KCNQ2: variants seen among roughly 807,000 people sequenced by gnomAD.
KCNQ2 encodes potassium voltage-gated channel subfamily KQT member 2.
A neutral mutation model predicts 84.8 loss-of-function variants in KCNQ2; 14 were observed. The ratio of observed to expected loss-of-function variants is 0.17; its 90% CI spans 0.11 to 0.26. The LOEUF is 0.26. KCNQ2 is among the 10% of genes least tolerant of loss of function. The pLI is 1.00. For missense variants in KCNQ2, 788 were observed against 1,254.0 expected (o/e 0.63, Z 5.61); for synonymous variants, 599 against 554.1 (o/e 1.08, Z -1.14).
chr20:63,439,787 G>C, intron 5 of KCNQ2, 79 bp from the exon 6 acceptor site: 1 of 1,096,096 alleles, frequency 9.1e-7, no homozygotes, highest in Non-Finnish European at 1.4e-6. Flanking sequence ...CTGGCGACTC[G>C]GGGCTTGGGA....
At position 63,443,117 on chromosome 20, in the gene KCNQ2, C is replaced by T. The variant is rs1434952543; in HGVS notation, c.691-586G>A. Among the ~76,000 whole-genome samples, 34 of 68,138 alleles carry T rather than the reference C, an allele frequency of 5.0e-4. 1 individual carries two copies. Among genetic ancestry groups the T allele is most frequent in the Admixed American group, 1.2e-3 (9 of 7,530 alleles). The allele number at this position is 68,138 out of a possible 152,430, so 44.7% of individuals were successfully genotyped here. A position where few individuals can be genotyped will look rare whatever the true frequency, so the allele number is the denominator to read the frequency against. ...ACCACCATCACCATCACCACCACCACTATCACCACCACCACCATCATCACC... is the reference window on the plus strand; with the variant it reads ...ACCACCATCACCATCACCACCACCATTATCACCACCACCACCATCATCACC... On this transcript the variant is annotated intron_variant, in intron 4 of 16. Transcript: ENST00000359125.
At chr20:63,464,632 T>C (rs943868119) in intron 1 of KCNQ2, among the ~76,000 whole-genome samples, 8 of 151,954 alleles carry the variant, frequency 5.3e-5, no homozygotes, top group Non-Finnish European at 1.0e-4. Flanking sequence ...ACCTGCACAC[T>C]AGCTCCCCGA....
intron 1 of KCNQ2, among the ~76,000 whole-genome samples, chr20:63,470,498 G>A (rs974652965): frequency 6.6e-6 from 1 of 152,268 alleles, no homozygotes; most frequent in African/African-American, 2.4e-5. Context: ...AGGAGAGACA[G>A]AGGGGCTGAC....
chr20:63,428,030 C>G (rs1056562237), intron 10 of KCNQ2, among the ~76,000 whole-genome samples: 1 of 152,214 alleles, frequency 6.6e-6, no homozygotes, highest in Non-Finnish European at 1.5e-5. Flanking sequence ...TGAGTTACCA[C>G]CAGGCACTCG....
At chr20:63,428,267 G>T in intron 10 of KCNQ2, 100 bp downstream of exon 10, 1 of 871,876 alleles carries the variant, frequency 1.1e-6, no homozygotes, top group South Asian at 1.4e-5. Flanking sequence ...CAGCTCCCTG[G>T]AGTCCCTGGG....
In KCNQ2 at chr20:63,446,347, G is replaced by A. The variant is rs935121110; in HGVS notation, c.387+400C>T. On this transcript the variant is annotated intron_variant, in intron 2 of 16. Transcript: ENST00000359125. This position sits in a 1 kb window ranked among gnomAD's most constrained non-coding sequence, Gnocchi z 5.5. Reference sequence around the variant, plus strand: ...CTCCCGTTGCCATGGCGCCCACCCTGCCCTGGCACAGGGTTGCTGCAAGCG... The same window carrying A: ...CTCCCGTTGCCATGGCGCCCACCCTACCCTGGCACAGGGTTGCTGCAAGCG... 1 of 296,356 alleles carries A rather than the reference G, an allele frequency of 3.4e-6. No individual in the cohort carries two copies. Among genetic ancestry groups the A allele is most frequent in the Non-Finnish European group, 6.5e-6 (1 of 153,510 alleles). 18.4% of individuals were successfully genotyped at this position (296,356 alleles called of 1,614,324 possible). A position where few individuals can be genotyped will look rare whatever the true frequency, so the allele number is the denominator to read the frequency against.
Position 63,400,914 on chromosome 20 carries a change from T to TA in KCNQ2, c.*5729_*5730insT, listed in dbSNP as rs1370344964. 7.5e-6 allele frequency: 3 copies of TA among 398,124 alleles called. No individual in the cohort carries two copies. The highest frequency in any genetic ancestry group is 1.3e-5 in the Non-Finnish European group (3 of 225,774). The allele number at this position is 398,124 out of a possible 1,614,324, so 24.7% of individuals were successfully genotyped here. Reference sequence around the variant, plus strand: ...CCGTACCTGGCACAGCCAGGGGGCATGGGGCGACCTCAGGGAGTTCCTGTC... The same window carrying TA: ...CCGTACCTGGCACAGCCAGGGGGCATAGGGGCGACCTCAGGGAGTTCCTGTC... On this transcript the variant is annotated 3_prime_UTR_variant, in exon 17 of 17. Coordinates refer to ENST00000359125, the MANE Select transcript of KCNQ2 (RefSeq NM_172107.4). The surrounding 1 kb of genome is among the most constrained non-coding windows in gnomAD (Gnocchi z 8.7).
intron 8 of KCNQ2, among the ~76,000 whole-genome samples, chr20:63,431,956 C>G (rs1425319883): frequency 1.3e-5 from 2 of 149,292 alleles, no homozygotes; most frequent in Admixed American, 1.3e-4. Flanking sequence ...AGGGTAGGAT[C>G]CACCCACAGG....
At chr20:63,417,341 C>G (rs1198919293) in intron 12 of KCNQ2, among the ~76,000 whole-genome samples, 1 of 152,246 alleles carries the variant, frequency 6.6e-6, no homozygotes, top group Non-Finnish European at 1.5e-5. Flanking sequence ...CCCCTCCTGA[C>G]CCCGCTCAGG....
chr20:63,463,452 G>C (rs182932215), intron 1 of KCNQ2, among the ~76,000 whole-genome samples: 2 of 152,030 alleles, frequency 1.3e-5, no homozygotes, highest in Non-Finnish European at 2.9e-5. Flanking sequence ...CCAGGGCTCA[G>C]CCTCCATGAC....
intron 15 of KCNQ2, among the ~76,000 whole-genome samples, chr20:63,412,857 C>G (rs1490319023): frequency 4.6e-5 from 7 of 152,214 alleles, no homozygotes; most frequent in Non-Finnish European, 1.0e-4. Context: ...AACACCCACT[C>G]GTGTGTATAT....
At position 63,408,895 on chromosome 20, in the gene KCNQ2, A is replaced by T. The variant is rs2145500476; in HGVS notation, c.1764-359T>A. Among the ~76,000 whole-genome samples the T allele has an allele frequency of 6.6e-6, 1 of 152,300 alleles. No homozygotes were observed. The highest frequency in any genetic ancestry group is 1.5e-5 in the Non-Finnish European group (1 of 68,016). ...ACCTGCTCACCCTCTTCCCTGCCCA[A>T]GGCCTATTGGCCCCACAGCCCACGG... On this transcript the variant is annotated intron_variant, in intron 15 of 16. Transcript: ENST00000359125. This position sits in a 1 kb window ranked among gnomAD's most constrained non-coding sequence, Gnocchi z 5.0.
intron 1 of KCNQ2, chr20:63,448,992 G>A (rs918574765): frequency 6.6e-5 from 10 of 152,228 alleles, no homozygotes; most frequent in Admixed American, 3.3e-4. Context: ...GGCCAACCAC[G>A]GCCAGCGAGT....
Position 63,414,859 on chromosome 20 carries a change from A to T in KCNQ2, c.1525+44T>A. On this transcript the variant is annotated intron_variant, in intron 13 of 16. Coordinates refer to ENST00000359125, the MANE Select transcript of KCNQ2 (RefSeq NM_172107.4). The surrounding 1 kb of genome is among the most constrained non-coding windows in gnomAD (Gnocchi z 6.6). ...CCACAGTAGCGTGGCCACCACATCC[A>T]TCCCCGGAGAGGATGGACCAGGAGA... 4.4e-6 allele frequency: 7 copies of T among 1,593,988 alleles called. No individual in the cohort carries two copies. The highest frequency in any genetic ancestry group is 6.0e-6 in the Non-Finnish European group (7 of 1,164,602).
Position 63,407,207 on chromosome 20 carries a change from T to C in KCNQ2, c.2056A>G (p.Ile686Val), listed in dbSNP as rs558926802. 15 of 1,605,732 alleles carry C rather than the reference T, an allele frequency of 9.3e-6. 1 individual carries two copies. The African/African-American group carries it at 1.6e-4, about 17-fold the overall frequency. ...CTGCTGGAGCGCACGATCTTGACAATGCAGCCGTGCCTGTCGACATGCTCC... is the reference window on the plus strand; with the variant it reads ...CTGCTGGAGCGCACGATCTTGACAACGCAGCCGTGCCTGTCGACATGCTCC... The part of the protein sequence containing the change: ...SREHVDRHGC[I>V]VKIVRSSSST... The change falls in exon 17 of 17, where the codon ATT (isoleucine) becomes GTT (valine). Residue 686 changes from isoleucine (I) to valine (V), a missense_variant. Transcript: ENST00000359125. The surrounding 1 kb of genome is among the most constrained non-coding windows in gnomAD (Gnocchi z 7.2).
chr20:63,426,947 A>T (rs770311198), intron 10 of KCNQ2, among the ~76,000 whole-genome samples: 4 of 152,220 alleles, frequency 2.6e-5, no homozygotes, highest in Non-Finnish European at 4.4e-5. Context: ...GAGGCCGGGC[A>T]CAGTGGCTCA....
intron 1 of KCNQ2, among the ~76,000 whole-genome samples, chr20:63,455,818 GC>G (rs2081769338): frequency 1.7e-5 from 2 of 117,312 alleles, no homozygotes; most frequent in African/African-American, 3.4e-5. Flanking sequence ...CCTCCGGGAG[GC>G]CCCTCTGCTC....
At chr20:63,435,093 G>A (rs1415462519) in intron 7 of KCNQ2, among the ~76,000 whole-genome samples, 2 of 152,156 alleles carry the variant, frequency 1.3e-5, no homozygotes, top group Non-Finnish European at 2.9e-5. Flanking sequence ...ACGCTGATTT[G>A]CCATTTGCTA....
chr20:63,407,138 G>A lies in KCNQ2; in HGVS notation c.2125C>T (p.Pro709Ser). ...GAGGTGGAGGGCGGACACTGGACAG[G>A]GGGCGCGGCCGGGGGCGCCGAGAAG... ...KNFSAPPAAP[P>S]VQCPPSTSWQ... Residue 709 changes from proline (P) to serine (S), a missense_variant, in exon 17 of 17, where the codon CCT becomes TCT. Transcript: ENST00000359125. The surrounding 1 kb of genome is among the most constrained non-coding windows in gnomAD (Gnocchi z 7.2). 1.3e-6 allele frequency: 2 copies of A among 1,568,444 alleles called. No individual in the cohort carries two copies. The highest frequency in any genetic ancestry group is 1.7e-6 in the Non-Finnish European group (2 of 1,160,730).
Sources: gnomAD v4.1 joint callset for allele counts (sites outside exome capture counted in the v4.1 genomes callset) on GRCh38, gnomAD v4.1.1 for gene constraint, Gnocchi (gnomAD v3.1) non-coding constraint, MANE v1.5 for transcripts, NCBI Gene and HGNC (gene_info 2026-07-23, HGNC 2026-07-21) for gene names.